The following GABRA4 variants were observed in gnomAD, a reference collection of about 807,000 sequenced individuals.
GABRA4 encodes gamma-aminobutyric acid receptor subunit alpha-4.
A neutral mutation model predicts 49.7 loss-of-function variants in GABRA4; 12 were observed. That is an observed-to-expected ratio of 0.24 (90% CI 0.15 to 0.39). The LOEUF (loss-of-function observed/expected upper bound fraction) is 0.39, where lower values mean the gene tolerates loss of function less well. GABRA4 is among the 10% of genes least tolerant of loss of function. The pLI is 1.00. For synonymous variants in GABRA4, 288 were observed against 240.2 expected, an observed-to-expected ratio of 1.20 and a Z score of -1.84; for missense variants, 506 against 686.0, an observed-to-expected ratio of 0.74 and a Z score of 2.93.
chr4:46,949,362 TAGA>T (rs1560468507), intron 8 of GABRA4, among the ~76,000 whole-genome samples: 2 of 152,152 alleles, frequency 1.3e-5, no homozygotes, highest in African/African-American at 4.8e-5. Context: ...TGTTCACTGC[TAGA>T]AGACCATCTT....
At chr4:46,967,869 T>C (rs1722818183) in intron 7 of GABRA4, among the ~76,000 whole-genome samples, 1 of 151,598 alleles carries the variant, frequency 6.6e-6, no homozygotes, top group Non-Finnish European at 1.5e-5. Flanking sequence ...GGCTGGCCAC[T>C]CCTAGAAAAT....
intron 8 of GABRA4, among the ~76,000 whole-genome samples, chr4:46,960,871 A>T (rs572777800): frequency 9.7e-4 from 148 of 151,880 alleles, no homozygotes; most frequent in African/African-American, 3.4e-3. Flanking sequence ...TACAATCATG[A>T]CTCAATAATT....
At chr4:46,956,391 C>A (rs1722364017) in intron 8 of GABRA4, among the ~76,000 whole-genome samples, 1 of 151,974 alleles carries the variant, frequency 6.6e-6, no homozygotes, top group South Asian at 2.1e-4. Flanking sequence ...TAAAGAACAG[C>A]ATTTTTAAGA....
intron 8 of GABRA4, among the ~76,000 whole-genome samples, chr4:46,964,342 A>G (rs1033453610): frequency 6.6e-6 from 1 of 151,846 alleles, no homozygotes; most frequent in African/African-American, 2.4e-5. Context: ...AAGACCTACT[A>G]TTTGATAGCA....
At chr4:46,984,625 C>A (rs1396644194) in intron 2 of GABRA4, among the ~76,000 whole-genome samples, 1 of 151,464 alleles carries the variant, frequency 6.6e-6, no homozygotes, top group African/African-American at 2.4e-5. Context: ...TATGGGCAAA[C>A]AATAAAAACA....
chr4:46,948,593 C>T (rs1486433244), intron 8 of GABRA4, among the ~76,000 whole-genome samples: 1 of 152,012 alleles, frequency 6.6e-6, no homozygotes, highest in Non-Finnish European at 1.5e-5. Flanking sequence ...AATTAGGCTG[C>T]ACTACACAGT....
intron 8 of GABRA4, among the ~76,000 whole-genome samples, chr4:46,930,816 C>A (rs1479213669): frequency 1.3e-5 from 2 of 150,996 alleles, no homozygotes; most frequent in Non-Finnish European, 3.0e-5. Context: ...TAAAATGACC[C>A]CCAAAACTTA....
In GABRA4 at chr4:46,928,122, CAG is replaced by C. The variant is rs1168280683; in HGVS notation, c.*101_*102del. 8 of 1,008,016 alleles carry C rather than the reference CAG, an allele frequency of 7.9e-6. No individual in the cohort carries two copies. The East Asian group carries it at 1.9e-4, about 24-fold the overall frequency. 62.4% of individuals were successfully genotyped at this position (1,008,016 alleles called of 1,614,324 possible). On this transcript the variant is annotated 3_prime_UTR_variant, in exon 9 of 9. Coordinates refer to ENST00000264318, the MANE Select transcript of GABRA4 (RefSeq NM_000809.4). ...TATATCTTTAAATGGAAAAATTACACAGAGTTTTTATTTTAGTAAAGAATATT... is the reference window on the plus strand; with the variant it reads ...TATATCTTTAAATGGAAAAATTACACAGTTTTTATTTTAGTAAAGAATATT...
rs575357779 is a variant in GABRA4 at position 46,928,598 on chromosome 4, G to A, written c.1292C>T (p.Ser431Phe). The part of the protein sequence containing the change: ...SKGTPRSYLA[S>F]SPNPFSRANA... ...TGCACGGCTGAATGGGTTTGGACTG[G>A]AAGCTAAGTAAGACCGAGGTGTGCC... The change falls in exon 9 of 9, where the codon TCC becomes TTC. Residue 431 changes from serine to phenylalanine, a missense_variant. This residue lies in a region of GABRA4 where 243 missense variants were observed against 210.8 expected (regional missense o/e 1.15). Transcript: ENST00000264318. 7 of 1,613,774 alleles carry A rather than the reference G, an allele frequency of 4.3e-6. No homozygotes were observed. The East Asian group carries it at 6.7e-5, about 15-fold the overall frequency.
Position 46,919,883 on chromosome 4 carries a change from A to G in GABRA4, c.*8342T>C, listed in dbSNP as rs1027542091. ...TATTATCGCATAGATACACCTTTGC[A>G]TGAAAACCGGATTCTCATTCAATTT... On this transcript the variant is annotated 3_prime_UTR_variant, in exon 9 of 9. Coordinates refer to ENST00000264318, the MANE Select transcript of GABRA4 (RefSeq NM_000809.4). The G allele has an allele frequency of 4.0e-5, 6 of 151,726 alleles. No individual in the cohort carries two copies. Among genetic ancestry groups the G allele is most frequent in the Non-Finnish European group, 8.9e-5 (6 of 67,664 alleles). 9.4% of individuals were successfully genotyped at this position (151,726 alleles called of 1,614,324 possible). A position where few individuals can be genotyped will look rare whatever the true frequency, so the allele number is the denominator to read the frequency against.
intron 2 of GABRA4, among the ~76,000 whole-genome samples, chr4:46,983,030 T>A (rs541537881): frequency 6.6e-6 from 1 of 152,166 alleles, no homozygotes; most frequent in African/African-American, 2.4e-5. Context: ...CATATACTAT[T>A]TCATGTAATC....
intron 2 of GABRA4, among the ~76,000 whole-genome samples, chr4:46,986,027 GA>G (rs887198518): frequency 6.6e-6 from 1 of 151,788 alleles, no homozygotes; most frequent in Non-Finnish European, 1.5e-5. Context: ...TTGAACTTCT[GA>G]AAAAAATCTA....
chr4:46,989,523 C>T (rs1311284902), intron 2 of GABRA4, among the ~76,000 whole-genome samples: 1 of 152,146 alleles, frequency 6.6e-6, no homozygotes, highest in African/African-American at 2.4e-5. Context: ...ATGTAGGAGA[C>T]AAGGGAGAGG....
intron 8 of GABRA4, among the ~76,000 whole-genome samples, chr4:46,964,347 A>G (rs957938577): frequency 1.5e-4 from 23 of 151,950 alleles, no homozygotes; most frequent in African/African-American, 5.3e-4. Context: ...CTACTATTTG[A>G]TAGCACAACA....
chr4:46,961,196 C>CTGCT (rs1177506028), intron 8 of GABRA4, among the ~76,000 whole-genome samples: 1 of 151,774 alleles, frequency 6.6e-6, no homozygotes, highest in African/African-American at 2.4e-5. Flanking sequence ...AATTTTTCAC[C>CTGCT]TGCACACACG....
At chr4:46,939,417 G>A (rs1721716615) in intron 8 of GABRA4, among the ~76,000 whole-genome samples, 1 of 151,892 alleles carries the variant, frequency 6.6e-6, no homozygotes, top group Admixed American at 6.6e-5. Context: ...ACCTCACATA[G>A]TTCCTACAAC....
chr4:46,978,968 GC>G, intron 3 of GABRA4, 62 bp downstream of exon 3: 1 of 1,006,948 alleles, frequency 9.9e-7, no homozygotes, highest in African/African-American at 1.6e-5. Context: ...AATATTAATT[GC>G]CCTCTTTTCT....
In GABRA4 at chr4:46,979,393, A is replaced by T. The variant is rs145107394; in HGVS notation, c.206-295T>A. Among the ~76,000 whole-genome samples, 949 of 152,114 alleles carry T rather than the reference A, an allele frequency of 6.2e-3. 9 individuals carry two copies. Among genetic ancestry groups the T allele is most frequent in the African/African-American group, 0.021 (885 of 41,538 alleles). The stretch of plus-strand genomic sequence containing the variant: ...TACAACAGGCAATGCAGAGACACAA[A>T]AGCTTTTAACCTTTGCGATATTTTA... On this transcript the variant is annotated intron_variant, in intron 2 of 8. Transcript: ENST00000264318.
chr4:46,969,005 G>C (rs573236458), intron 7 of GABRA4, among the ~76,000 whole-genome samples: 23 of 151,748 alleles, frequency 1.5e-4, no homozygotes, highest in African/African-American at 5.5e-4. Flanking sequence ...ATTATTTCAA[G>C]TGCTTTTCTA....
Sources: gnomAD v4.1 joint callset for allele counts (sites outside exome capture counted in the v4.1 genomes callset) on GRCh38, gnomAD v4.1.1 for gene constraint, gnomAD v4.1.1 regional missense constraint, MANE v1.5 for transcripts, NCBI Gene and HGNC (gene_info 2026-07-23, HGNC 2026-07-21) for gene names.